Variants in FGD6 observed in about 807,000 individuals in gnomAD.
FGD6 encodes FYVE, RhoGEF and PH domain-containing protein 6.
In FGD6, 90 loss-of-function variants were observed where a neutral mutation model predicts 149.4. The ratio of observed to expected loss-of-function variants is 0.60; its 90% CI spans 0.51 to 0.72. The LOEUF (loss-of-function observed/expected upper bound fraction) is 0.72, where lower values mean the gene tolerates loss of function less well. Among genes scored for constraint, FGD6 ranks in the 30% least tolerant of loss-of-function variants. The probability of loss-of-function intolerance (pLI) is 0.00; values close to 1 mark genes in which losing one functional copy is unlikely to be tolerated. For synonymous variants in FGD6, 527 were observed against 584.0 expected, an observed-to-expected ratio of 0.90 and a Z score of 1.41; for missense variants, 1,437 against 1,684.8, an observed-to-expected ratio of 0.85 and a Z score of 2.57.
At chr12:95,102,394 A>G (rs1408913143) in intron 14 of FGD6, among the ~76,000 whole-genome samples, 1 of 144,098 alleles carries the variant, frequency 6.9e-6, no homozygotes, top group Non-Finnish European at 1.5e-5. Context: ...CAGTCAGCCG[A>G]GATCGTGCCA....
intron 9 of FGD6, among the ~76,000 whole-genome samples, chr12:95,112,581 CAG>C (rs545928216): frequency 4.5e-4 from 69 of 152,302 alleles, no homozygotes; most frequent in African/African-American, 1.5e-3. Context: ...GCCTGGGTGA[CAG>C]AGTGAGACTC....
chr12:95,185,961 C>T (rs976832302), intron 2 of FGD6, among the ~76,000 whole-genome samples: 6 of 152,240 alleles, frequency 3.9e-5, no homozygotes, highest in African/African-American at 1.4e-4. Flanking sequence ...GAAATAAAGA[C>T]AGCTTTTTAA....
intron 8 of FGD6, among the ~76,000 whole-genome samples, chr12:95,121,630 T>C (rs1879194729): frequency 6.6e-6 from 1 of 151,790 alleles, no homozygotes; most frequent in Admixed American, 6.6e-5. Flanking sequence ...AGTATATGTA[T>C]TAATGTAGGA....
intron 1 of FGD6, among the ~76,000 whole-genome samples, chr12:95,212,483 A>G (rs564709365): frequency 1.1e-4 from 16 of 152,358 alleles, no homozygotes; most frequent in African/African-American, 3.1e-4. Context: ...AAGCGAAAAG[A>G]TAAATAAAGC....
chr12:95,084,770 C>G, intron 19 of FGD6, 124 bp from the exon 20 acceptor site: 1 of 793,682 alleles, frequency 1.3e-6, no homozygotes, highest in Non-Finnish European at 1.8e-6. Context: ...AATGATAATT[C>G]TAACAACTTA....
In FGD6 at chr12:95,107,077, A is replaced by G. The variant is rs780485867; in HGVS notation, c.3334-40T>C. 8 of 1,401,418 alleles carry G rather than the reference A, an allele frequency of 5.7e-6. No homozygotes were observed. In the South Asian group the frequency reaches 9.6e-5, roughly 17 times the overall value. 86.8% of individuals were successfully genotyped at this position (1,401,418 alleles called of 1,614,324 possible). Reference sequence around the variant, plus strand: ...ATTTCAGGGGAGAAAGTAAAGAAACACATTACTGCCACAAAGATTTTGACA... The same window carrying G: ...ATTTCAGGGGAGAAAGTAAAGAAACGCATTACTGCCACAAAGATTTTGACA... On this transcript the variant is annotated intron_variant, in intron 12 of 20. Transcript: ENST00000343958.
At chr12:95,115,856 C>G (rs1360904133) in intron 8 of FGD6, among the ~76,000 whole-genome samples, 1 of 152,198 alleles carries the variant, frequency 6.6e-6, no homozygotes, top group Non-Finnish European at 1.5e-5. Flanking sequence ...AGACAGTGAT[C>G]TAAGAGCCTG....
chr12:95,094,488 A>T, intron 15 of FGD6, 104 bp downstream of exon 15: 1 of 738,722 alleles, frequency 1.4e-6, no homozygotes, highest in Non-Finnish European at 2.3e-6. Flanking sequence ...TGTCCAGTCC[A>T]ATCATTTTCT....
chr12:95,115,000 C>T (rs1473059925), intron 8 of FGD6, among the ~76,000 whole-genome samples: 1 of 152,210 alleles, frequency 6.6e-6, no homozygotes, highest in Non-Finnish European at 1.5e-5. Context: ...AAATTCTACT[C>T]ACACTCTTCA....
At position 95,077,692 on chromosome 12, in the gene FGD6, A is replaced by C. The variant is rs1299706171; in HGVS notation, c.*3828T>G. The C allele has an allele frequency of 6.6e-6, 1 of 152,234 alleles. No individual in the cohort carries two copies. Among genetic ancestry groups the C allele is most frequent in the African/African-American group, 2.4e-5 (1 of 41,462 alleles). 9.4% of individuals were successfully genotyped at this position (152,234 alleles called of 1,614,324 possible). ...ATGGGAACAAGTAACAAGGACTTGA[A>C]CCAGGGCCTATGTAATAACAGCAGG... On this transcript the variant is annotated 3_prime_UTR_variant, in exon 21 of 21. Coordinates refer to ENST00000343958, the MANE Select transcript of FGD6 (RefSeq NM_018351.4).
At chr12:95,147,098 G>A (rs777068085) in intron 5 of FGD6, among the ~76,000 whole-genome samples, 4 of 152,098 alleles carry the variant, frequency 2.6e-5, no homozygotes, top group Non-Finnish European at 5.9e-5. Context: ...GACAGACATG[G>A]AGCCCTACAA....
At chr12:95,176,656 A>C (rs1881141756) in intron 2 of FGD6, among the ~76,000 whole-genome samples, 1 of 152,234 alleles carries the variant, frequency 6.6e-6, no homozygotes, top group Non-Finnish European at 1.5e-5. Context: ...TCTGAAGTGA[A>C]GACTACATGA....
At chr12:95,117,285 T>G (rs924504226) in intron 8 of FGD6, among the ~76,000 whole-genome samples, 1 of 152,150 alleles carries the variant, frequency 6.6e-6, no homozygotes, top group African/African-American at 2.4e-5. Context: ...CACTACAAAA[T>G]GTACTCTCTG....
chr12:95,184,825 T>C (rs1019730530), intron 2 of FGD6, among the ~76,000 whole-genome samples: 1 of 152,034 alleles, frequency 6.6e-6, no homozygotes, highest in African/African-American at 2.4e-5. Flanking sequence ...TCAAGTGATT[T>C]GCCCGCCTTG....
At chr12:95,108,099 T>C (rs1305865712) in intron 11 of FGD6, among the ~76,000 whole-genome samples, 1 of 152,142 alleles carries the variant, frequency 6.6e-6, no homozygotes, top group Admixed American at 6.6e-5. Context: ...AACGATCCCA[T>C]TAAATCAGAT....
chr12:95,086,874 G>C (rs1316369798), intron 18 of FGD6, among the ~76,000 whole-genome samples: 2 of 95,148 alleles, frequency 2.1e-5, no homozygotes, highest in African/African-American at 8.6e-5. Flanking sequence ...TTTTAAGACA[G>C]TCTCACTCTG....
intron 2 of FGD6, among the ~76,000 whole-genome samples, chr12:95,179,825 A>G (rs1255782273): frequency 6.6e-6 from 1 of 152,200 alleles, no homozygotes; most frequent in Non-Finnish European, 1.5e-5. Flanking sequence ...AGTAATTACT[A>G]AACAGTTATT....
chr12:95,133,254 C>T (rs895752421), intron 8 of FGD6, among the ~76,000 whole-genome samples: 3 of 152,176 alleles, frequency 2.0e-5, no homozygotes, highest in Non-Finnish European at 2.9e-5. Context: ...CCCGCCTCTA[C>T]TAAAAATACA....
chr12:95,104,737 C>G (rs568908980), intron 14 of FGD6, among the ~76,000 whole-genome samples: 1 of 152,122 alleles, frequency 6.6e-6, no homozygotes, highest in African/African-American at 2.4e-5. Flanking sequence ...GCTACCACAC[C>G]TGGCATACAA....
Sources: allele counts gnomAD v4.1 joint callset (sites outside exome capture counted in the v4.1 genomes callset), GRCh38; gene constraint gnomAD v4.1.1; transcripts MANE v1.5; gene names NCBI Gene and HGNC (gene_info 2026-07-23, HGNC 2026-07-21).